RMP64: variants seen among roughly 807,000 people sequenced by gnomAD.
RMP64 encodes the protein nucleolus and neural progenitor protein.
At chr3:113,019,586 C>T in the RMP64 span, 4 of 1,613,792 alleles carry the variant, frequency 2.5e-6, no homozygotes, top group African/African-American at 1.3e-5. Context: ...GCTGCGGTTC[C>T]CCGCCTTAGG....
the RMP64 span, chr3:113,017,357 C>G: frequency 2.8e-6 from 3 of 1,076,296 alleles, no homozygotes; most frequent in African/African-American, 1.6e-5. Context: ...GAGATTTCCA[C>G]GAGATTTCCA....
chr3:113,017,490 G>A, the RMP64 span: 1 of 1,614,174 alleles, frequency 6.2e-7, no homozygotes, highest in Non-Finnish European at 8.5e-7. Context: ...CCATTCTGTT[G>A]TGATTGCTGT....
the RMP64 span, chr3:113,008,444 AG>A: frequency 6.3e-7 from 1 of 1,598,488 alleles, no homozygotes; most frequent in Non-Finnish European, 8.6e-7. Context: ...AAACGTGGAA[AG>A]ATGAGAAAAA....
the RMP64 span, chr3:113,010,445 GTACTCTAT>G: frequency 1.9e-6 from 1 of 536,474 alleles, no homozygotes; most frequent in Non-Finnish European, 3.3e-6. Context: ...ATTTCTGAAG[GTACTCTAT>G]TAACTGAATT....
At chr3:113,007,973 C>T in the RMP64 span, among the ~76,000 whole-genome samples, 1 of 152,200 alleles carries the variant, frequency 6.6e-6, no homozygotes, top group African/African-American at 2.4e-5. Context: ...GTCCAATTAA[C>T]TTGTTTATCT....
At chr3:113,017,447 C>A in the RMP64 span, 1 of 1,613,200 alleles carries the variant, frequency 6.2e-7, no homozygotes, top group Non-Finnish European at 8.5e-7. Context: ...GGCTTCCTCA[C>A]CTGTTTGAGG....
chr3:113,011,410 G>A, the RMP64 span: 1 of 1,551,190 alleles, frequency 6.4e-7, no homozygotes, highest in East Asian at 2.3e-5. Context: ...GAGAACCCTA[G>A]AGAAAGAAAT....
chr3:113,019,502 C>G, the RMP64 span: 17 of 1,535,654 alleles, frequency 1.1e-5, no homozygotes, highest in African/African-American at 1.9e-4. Flanking sequence ...GCGGCCTCCC[C>G]CGGAAACGTT....
chr3:113,017,951 G>A, the RMP64 span, among the ~76,000 whole-genome samples: 4 of 152,298 alleles, frequency 2.6e-5, no homozygotes, highest in Admixed American at 2.0e-4. Flanking sequence ...CCACCTTGAA[G>A]GTAGGGCACA....
chr3:113,017,182 A>C, the RMP64 span, among the ~76,000 whole-genome samples: 1 of 152,246 alleles, frequency 6.6e-6, no homozygotes, highest in Non-Finnish European at 1.5e-5. Flanking sequence ...TATATAATGA[A>C]GAAAATGTTT....
the RMP64 span, chr3:113,019,438 C>T: frequency 1.1e-6 from 1 of 922,732 alleles, no homozygotes; most frequent in Non-Finnish European, 1.7e-6. Flanking sequence ...CCCAGCGTCC[C>T]CCGGGCCGGG....
At chr3:113,008,874 A>C in the RMP64 span, 1 of 157,506 alleles carries the variant, frequency 6.3e-6, no homozygotes, top group Non-Finnish European at 1.4e-5. Flanking sequence ...ACACAATAAA[A>C]AAACCCCACA....
the RMP64 span, chr3:113,012,574 G>A: frequency 4.0e-6 from 2 of 498,718 alleles, no homozygotes; most frequent in Non-Finnish European, 7.1e-6. Flanking sequence ...TCAGCACTCG[G>A]CTTCCCAATC....
chr3:113,016,440 A>AAG, the RMP64 span, among the ~76,000 whole-genome samples: 2 of 33,974 alleles, frequency 5.9e-5, no homozygotes, highest in African/African-American at 8.7e-5. Context: ...AGAGCTACGT[A>AAG]AGAGAGAGAG....
chr3:113,008,497 G>A, the RMP64 span: 2 of 1,345,116 alleles, frequency 1.5e-6, no homozygotes, highest in African/African-American at 1.5e-5. Flanking sequence ...ATGACAACAA[G>A]GAAAGCTAGC....
At chr3:113,016,211 A>G in the RMP64 span, among the ~76,000 whole-genome samples, 2 of 152,196 alleles carry the variant, frequency 1.3e-5, no homozygotes, top group Admixed American at 6.5e-5. Context: ...TCAGGACACA[A>G]TGGAGAACGA....
the RMP64 span, chr3:113,003,115 G>T: frequency 0.054 from 8,233 of 153,136 alleles, 516 homozygotes; most frequent in African/African-American, 0.15. Flanking sequence ...ACCAAAGTGG[G>T]TGGATCCCTT....
At chr3:113,009,167 C>T in the RMP64 span, among the ~76,000 whole-genome samples, 4 of 152,070 alleles carry the variant, frequency 2.6e-5, no homozygotes, top group African/African-American at 9.7e-5. Context: ...TCTGACAAGG[C>T]ACCTTTACTT....
the RMP64 span, among the ~76,000 whole-genome samples, chr3:113,010,270 C>T: frequency 4.6e-5 from 7 of 152,092 alleles, no homozygotes; most frequent in South Asian, 2.1e-4. Context: ...AATAGAGGTA[C>T]GGAGAGATCA....
Sources: allele counts gnomAD v4.1 joint callset (sites outside exome capture counted in the v4.1 genomes callset), GRCh38; gene constraint gnomAD v4.1.1; transcripts MANE v1.5; gene names NCBI Gene and HGNC (gene_info 2026-07-23, HGNC 2026-07-21).